MECOM: variants seen among roughly 807,000 people sequenced by gnomAD.
MECOM encodes the protein MDS1 and EVI1 complex locus.
Under a neutral mutation model 116.3 loss-of-function variants are expected in MECOM, and 13 were observed. That is an observed-to-expected ratio of 0.11 (90% confidence interval 0.07 to 0.18). The LOEUF (loss-of-function observed/expected upper bound fraction) is 0.18. Among genes scored for constraint, MECOM ranks in the 10% least tolerant of loss-of-function variants. The probability of loss-of-function intolerance (pLI) is 1.00; values close to 1 mark genes in which losing one functional copy is unlikely to be tolerated. For missense variants in MECOM, 1,299 were observed against 1,509.0 expected (o/e 0.86, Z 2.31); for synonymous variants, 528 against 535.2 (o/e 0.99, Z 0.19).
chr3:169,240,714 A>C (rs1272479758), intron 2 of MECOM, among the ~76,000 whole-genome samples: 1 of 152,162 alleles, frequency 6.6e-6, no homozygotes, highest in Non-Finnish European at 1.5e-5. Flanking sequence ...ACAACTAAAA[A>C]ACAAATGCCA....
intron 1 of MECOM, among the ~76,000 whole-genome samples, chr3:169,485,423 G>T (rs1279595421): frequency 6.6e-6 from 1 of 152,114 alleles, no homozygotes; most frequent in East Asian, 1.9e-4. Flanking sequence ...ATTTACCTTA[G>T]AGATAATTTA....
chr3:169,560,313 G>C (rs1180598040), intron 1 of MECOM, among the ~76,000 whole-genome samples: 1 of 152,120 alleles, frequency 6.6e-6, no homozygotes, highest in African/African-American at 2.4e-5. Flanking sequence ...AAGGTGACTA[G>C]AGAAACCAAA....
At chr3:169,364,699 A>C (rs1440239461) in intron 2 of MECOM, among the ~76,000 whole-genome samples, 1 of 152,004 alleles carries the variant, frequency 6.6e-6, no homozygotes, top group African/African-American at 2.4e-5. Context: ...CCCATTCATC[A>C]CCTGCCTTTC....
chr3:169,264,629 A>G (rs1758035385), intron 2 of MECOM, among the ~76,000 whole-genome samples: 1 of 152,186 alleles, frequency 6.6e-6, no homozygotes, highest in Non-Finnish European at 1.5e-5. Context: ...AGAAGTTGAC[A>G]TACCTAGGAA....
chr3:169,280,825 A>G (rs1202685817), intron 2 of MECOM, among the ~76,000 whole-genome samples: 5 of 152,242 alleles, frequency 3.3e-5, no homozygotes. Flanking sequence ...AGAGATGCCA[A>G]CAATCTGGGG....
intron 1 of MECOM, among the ~76,000 whole-genome samples, chr3:169,399,317 A>AGCTCT (rs1347127713): frequency 6.6e-6 from 1 of 152,174 alleles, no homozygotes; most frequent in African/African-American, 2.4e-5. Context: ...TACCTCACTT[A>AGCTCT]GCTCTGAATC....
At chr3:169,452,696 C>G (rs1745809668) in intron 1 of MECOM, among the ~76,000 whole-genome samples, 2 of 152,106 alleles carry the variant, frequency 1.3e-5, no homozygotes, top group African/African-American at 2.4e-5. Flanking sequence ...TGGAATTGAC[C>G]AATAGCTGAG....
At chr3:169,096,934 A>C (rs2148904416) in intron 12 of MECOM, among the ~76,000 whole-genome samples, 1 of 149,276 alleles carries the variant, frequency 6.7e-6, no homozygotes. Flanking sequence ...GTGAAACCCC[A>C]CATTATGGTA....
intron 1 of MECOM, among the ~76,000 whole-genome samples, chr3:169,565,351 A>G (rs1763110860): frequency 6.6e-6 from 1 of 152,132 alleles, no homozygotes; most frequent in African/African-American, 2.4e-5. Flanking sequence ...AAGGAGGGGT[A>G]GTCCACGCAG....
chr3:169,174,945 ACT>A (rs1464981928), intron 2 of MECOM, among the ~76,000 whole-genome samples: 1 of 151,922 alleles, frequency 6.6e-6, no homozygotes, highest in Non-Finnish European at 1.5e-5. Flanking sequence ...TTAAAATCAG[ACT>A]CTGTCTCATC....
intron 1 of MECOM, among the ~76,000 whole-genome samples, chr3:169,650,648 G>T (rs1774777709): frequency 6.6e-6 from 1 of 152,072 alleles, no homozygotes; most frequent in Non-Finnish European, 1.5e-5. Context: ...AGCCAAAGAT[G>T]CTTGGAAATC....
chr3:169,536,936 T>C (rs749245849), intron 1 of MECOM, among the ~76,000 whole-genome samples: 3 of 152,180 alleles, frequency 2.0e-5, no homozygotes, highest in Non-Finnish European at 4.4e-5. Flanking sequence ...TCCTATTTTA[T>C]AGATGGGGAA....
chr3:169,314,670 T>C (rs897406899), intron 2 of MECOM, among the ~76,000 whole-genome samples: 1 of 148,040 alleles, frequency 6.8e-6, no homozygotes, highest in South Asian at 2.2e-4. Flanking sequence ...AAGAAGAGAA[T>C]AAAACAGAGA....
At chr3:169,210,381 A>G (rs1750553606) in intron 2 of MECOM, among the ~76,000 whole-genome samples, 1 of 152,116 alleles carries the variant, frequency 6.6e-6, no homozygotes, top group Admixed American at 6.6e-5. Flanking sequence ...AAAAAACAAA[A>G]ATAGCTGTAC....
intron 2 of MECOM, among the ~76,000 whole-genome samples, chr3:169,241,903 A>G (rs902746391): frequency 1.3e-5 from 2 of 152,236 alleles, no homozygotes; most frequent in African/African-American, 4.8e-5. Context: ...AAATTTTTCT[A>G]GAAGTTTTGA....
chr3:169,175,408 C>G (rs1004664232), intron 2 of MECOM, among the ~76,000 whole-genome samples: 2 of 152,072 alleles, frequency 1.3e-5, no homozygotes, highest in Admixed American at 1.3e-4. Flanking sequence ...TTGTTTCATG[C>G]ACAAAATTAC....
chr3:169,420,564 G>A (rs868073592), intron 1 of MECOM, among the ~76,000 whole-genome samples: 12 of 152,070 alleles, frequency 7.9e-5, no homozygotes, highest in South Asian at 2.1e-4. Flanking sequence ...ATAGGAAGCC[G>A]GCCCCTAGAA....
intron 2 of MECOM, among the ~76,000 whole-genome samples, chr3:169,359,322 T>C (rs960118062): frequency 4.6e-5 from 7 of 151,730 alleles, no homozygotes; most frequent in African/African-American, 1.7e-4. Flanking sequence ...AGATTCTCAG[T>C]GAGATTCATA....
intron 1 of MECOM, among the ~76,000 whole-genome samples, chr3:169,621,162 C>T (rs1296923358): frequency 6.6e-6 from 1 of 152,208 alleles, no homozygotes; most frequent in African/African-American, 2.4e-5. Flanking sequence ...GGTATATCAG[C>T]TAGTGTTGGT....
Sources: allele counts gnomAD v4.1 joint callset (sites outside exome capture counted in the v4.1 genomes callset), GRCh38; gene constraint gnomAD v4.1.1; transcripts MANE v1.5; gene names NCBI Gene and HGNC (gene_info 2026-07-23, HGNC 2026-07-21).